GABRR1: variants seen among roughly 807,000 people sequenced by gnomAD.
GABRR1 encodes gamma-aminobutyric acid receptor subunit rho-1.
A neutral mutation model predicts 55.5 loss-of-function variants in GABRR1; 59 were observed. The ratio of observed to expected loss-of-function variants is 1.06; its 90% CI spans 0.86 to 1.32. The LOEUF (loss-of-function observed/expected upper bound fraction) is 1.32, where lower values mean the gene tolerates loss of function less well. Among genes scored for constraint, GABRR1 ranks in the 40% most tolerant of loss-of-function variants. The pLI is 0.00. For missense variants in GABRR1, 602 were observed against 619.1 expected (o/e 0.97, Z 0.29); for synonymous variants, 213 against 226.0 (o/e 0.94, Z 0.51).
upstream of GABRR1, among the ~76,000 whole-genome samples, chr6:89,221,999 G>A (rs950889054): frequency 3.9e-5 from 6 of 152,226 alleles, no homozygotes; most frequent in African/African-American, 1.4e-4. Context: ...CCAGGACGAA[G>A]TGCCTTTCGT....
At chr6:89,216,521 T>C (rs1208719796) in intron 1 of GABRR1, among the ~76,000 whole-genome samples, 2 of 152,136 alleles carry the variant, frequency 1.3e-5, no homozygotes, top group African/African-American at 4.8e-5. Flanking sequence ...ACATTGCCAG[T>C]GCTGCCGTCA....
chr6:89,214,959 T>A (rs1772941441), intron 1 of GABRR1, among the ~76,000 whole-genome samples: 1 of 151,946 alleles, frequency 6.6e-6, no homozygotes, highest in Non-Finnish European at 1.5e-5. Context: ...ACCATTACAA[T>A]CCAGTTTAGG....
chr6:89,206,963 A>G (rs367543412), intron 1 of GABRR1, among the ~76,000 whole-genome samples: 11 of 152,050 alleles, frequency 7.2e-5, no homozygotes, highest in African/African-American at 1.9e-4. Flanking sequence ...TGCAGAATTG[A>G]CTTTACAAAG....
Position 89,199,366 on chromosome 6 carries a change from T to C in GABRR1, c.344A>G (p.Asp115Gly), listed in dbSNP as rs754685769. ...VESLDSISEV[D>G]MDFTMTLYLR... is the part of the protein sequence containing the mutation. Reference sequence around the variant, plus strand: ...CCTGGTCAGAGAAGCACTTACCATGTCAACCTCTGAGATGCTATCCAAACT... The same window carrying C: ...CCTGGTCAGAGAAGCACTTACCATGCCAACCTCTGAGATGCTATCCAAACT... Residue 115 changes from aspartate to glycine, a missense_variant, in exon 4 of 10, where the codon GAC becomes GGC. By Grantham distance (94) the Asp-to-Gly change is moderately conservative. Coordinates refer to ENST00000454853, the MANE Select transcript of GABRR1 (RefSeq NM_002042.5). 2 of 1,613,820 alleles carry C rather than the reference T, an allele frequency of 1.2e-6. No individual in the cohort carries two copies. Among genetic ancestry groups the C allele is most frequent in the South Asian group, 2.2e-5 (2 of 91,036 alleles).
At position 89,185,282 on chromosome 6, in the gene GABRR1, T is replaced by TG. The variant is rs765071223; in HGVS notation, c.796+27dup. On this transcript the variant is annotated intron_variant, in intron 7 of 9. Transcript: ENST00000454853. The stretch of plus-strand genomic sequence containing the variant: ...TTGGAGACCAAGCTGAAGCCTGCCC[T>TG]GACTCTCAGCCCTCACTCTACACTT... The TG allele has an allele frequency of 1.9e-6, 3 of 1,613,588 alleles. No homozygotes were observed. The Admixed American group carries it at 5.0e-5, about 27-fold the overall frequency.
chr6:89,201,711 A>G (rs148749501), intron 2 of GABRR1, among the ~76,000 whole-genome samples: 2,542 of 151,616 alleles, frequency 0.017, 64 homozygotes, highest in African/African-American at 0.053. Context: ...CCCAGGAGGC[A>G]GAGCTTGCAG....
At chr6:89,220,654 C>G (rs1773100599), upstream of GABRR1, among the ~76,000 whole-genome samples, 1 of 152,098 alleles carries the variant, frequency 6.6e-6, no homozygotes, top group Non-Finnish European at 1.5e-5. Flanking sequence ...CAGTTAGGGC[C>G]AGCATCAGAG....
At chr6:89,208,763 T>C (rs989728565) in intron 1 of GABRR1, among the ~76,000 whole-genome samples, 2 of 152,224 alleles carry the variant, frequency 1.3e-5, no homozygotes, top group Non-Finnish European at 2.9e-5. Context: ...GAGAAAGGCA[T>C]AAGGATGTGG....
At chr6:89,192,077 T>A (rs1259248479) in intron 5 of GABRR1, among the ~76,000 whole-genome samples, 1 of 149,200 alleles carries the variant, frequency 6.7e-6, no homozygotes, top group African/African-American at 2.5e-5. Flanking sequence ...GGCATTTGAG[T>A]GGTCAGTTTC....
At chr6:89,196,391 T>C (rs111769867) in intron 5 of GABRR1, among the ~76,000 whole-genome samples, 4 of 152,312 alleles carry the variant, frequency 2.6e-5, no homozygotes, top group African/African-American at 7.2e-5. Context: ...TCACATATGT[T>C]ATGGTCTAGT....
chr6:89,207,709 C>A (rs903722304), intron 1 of GABRR1, among the ~76,000 whole-genome samples: 1 of 152,172 alleles, frequency 6.6e-6, no homozygotes, highest in Non-Finnish European at 1.5e-5. Context: ...CTTAAAAAAT[C>A]CCAGGCCACA....
At position 89,184,788 on chromosome 6, in the gene GABRR1, C is replaced by G. The variant is rs145581562; in HGVS notation, c.796+522G>C. Among the ~76,000 whole-genome samples the G allele has an allele frequency of 4.5e-3, 681 of 152,114 alleles. 9 individuals are homozygous for G. The highest frequency in any genetic ancestry group is 0.015 in the African/African-American group (624 of 41,504). On this transcript the variant is annotated intron_variant, in intron 7 of 9. Transcript: ENST00000454853. ...TCTTACTAATTTTTTTAGGTTAGTACTCTGACGCATTGGTAATATCAAAAA... is the reference window on the plus strand; with the variant it reads ...TCTTACTAATTTTTTTAGGTTAGTAGTCTGACGCATTGGTAATATCAAAAA...
intron 1 of GABRR1, among the ~76,000 whole-genome samples, chr6:89,211,537 T>C (rs1255181034): frequency 6.6e-6 from 1 of 152,144 alleles, no homozygotes; most frequent in Admixed American, 6.6e-5. Context: ...AACTACCATA[T>C]CTAGGGCTCA....
chr6:89,224,380 C>A (rs1258572794), intron 1 of GABRR1, among the ~76,000 whole-genome samples: 1 of 152,204 alleles, frequency 6.6e-6, no homozygotes, highest in Admixed American at 6.5e-5. Context: ...GTGTGAGCCA[C>A]CATGCCCAGC....
chr6:89,204,471 G>A, intron 1 of GABRR1: 1 of 328,176 alleles, frequency 3.0e-6, no homozygotes, highest in Non-Finnish European at 5.6e-6. Context: ...GGATCCCTGT[G>A]GACCCTCAAT....
At position 89,210,583 on chromosome 6, in the gene GABRR1, G is replaced by A. The variant is rs375359295; in HGVS notation, c.122+6618C>T. Among the ~76,000 whole-genome samples, 4 of 152,288 alleles carry A rather than the reference G, an allele frequency of 2.6e-5. No individual in the cohort carries two copies. In the South Asian group the frequency reaches 6.2e-4, roughly 24 times the overall value. The stretch of plus-strand genomic sequence containing the variant: ...TAGACTGTCAGCACTTCAAGGGGAG[G>A]AGCAGGTCTATTTTGCTTACCATTG... On this transcript the variant is annotated intron_variant, in intron 1 of 9. Coordinates refer to ENST00000454853, the MANE Select transcript of GABRR1 (RefSeq NM_002042.5).
At chr6:89,223,710 CTTT>C (rs200773450) in intron 1 of GABRR1, among the ~76,000 whole-genome samples, 51,076 of 136,034 alleles carry the variant, frequency 0.38, 9,417 homozygotes, top group African/African-American at 0.46. Context: ...ACACCAATAT[CTTT>C]TTTTTTTTTT....
At chr6:89,215,588 A>G (rs551632367) in intron 1 of GABRR1, among the ~76,000 whole-genome samples, 1 of 152,336 alleles carries the variant, frequency 6.6e-6, no homozygotes, top group Non-Finnish European at 1.5e-5. Flanking sequence ...CAGGAGGAAT[A>G]GTTTTTTGAG....
At chr6:89,213,174 T>G (rs1320624909) in intron 1 of GABRR1, among the ~76,000 whole-genome samples, 2 of 152,162 alleles carry the variant, frequency 1.3e-5, no homozygotes, top group African/African-American at 2.4e-5. Context: ...CCAGTCACTC[T>G]CTGGGGCATG....
Sources: gnomAD v4.1 joint callset for allele counts (sites outside exome capture counted in the v4.1 genomes callset) on GRCh38, gnomAD v4.1.1 for gene constraint, MANE v1.5 for transcripts, NCBI Gene and HGNC (gene_info 2026-07-23, HGNC 2026-07-21) for gene names.